Variants in ZNF420 observed in about 807,000 individuals in gnomAD.
ZNF420 encodes zinc finger protein 420.
ZNF420 carries 31 observed loss-of-function variants against 44.7 expected under a neutral mutation model. That is an observed-to-expected ratio of 0.69 (90% CI 0.52 to 0.94). The LOEUF (loss-of-function observed/expected upper bound fraction) is 0.94, where lower values mean the gene tolerates loss of function less well. ZNF420 is among the 40% of genes least tolerant of loss of function. The pLI is 0.00. For missense variants in ZNF420, 681 were observed against 827.9 expected, an observed-to-expected ratio of 0.82 and a Z score of 2.18; for synonymous variants, 245 against 267.4, an observed-to-expected ratio of 0.92 and a Z score of 0.82.
At chr19:37,085,383 G>A (rs532744952) in intron 2 of ZNF420, among the ~76,000 whole-genome samples, 2 of 152,166 alleles carry the variant, frequency 1.3e-5, no homozygotes, top group African/African-American at 4.8e-5. Flanking sequence ...CTTTCCATAC[G>A]CAGTTGTTAA....
intron 1 of ZNF420, among the ~76,000 whole-genome samples, chr19:37,069,741 A>G (rs1376548223): frequency 1.3e-5 from 2 of 152,168 alleles, no homozygotes; most frequent in African/African-American, 2.4e-5. Flanking sequence ...AAAAAATCAT[A>G]GAACCATTGT....
At chr19:37,052,626 A>T (rs1167390871) in intron 1 of ZNF420, among the ~76,000 whole-genome samples, 1 of 152,158 alleles carries the variant, frequency 6.6e-6, no homozygotes, top group Admixed American at 6.5e-5. Context: ...TATGAAGTTT[A>T]GTTTGGCTGG....
chr19:37,030,292 G>A (rs958003252), intron 1 of ZNF420, among the ~76,000 whole-genome samples: 1 of 152,120 alleles, frequency 6.6e-6, no homozygotes, highest in Admixed American at 6.5e-5. Context: ...CTCCCGAGTA[G>A]CTGTGATTAC....
At chr19:37,098,611 A>G (rs1969591700) in intron 4 of ZNF420, among the ~76,000 whole-genome samples, 1 of 152,198 alleles carries the variant, frequency 6.6e-6, no homozygotes, top group African/African-American at 2.4e-5. Context: ...GTGATGTTTT[A>G]TACATATGTG....
At chr19:37,080,461 A>G (rs1239071333) in intron 2 of ZNF420, 73 bp downstream of exon 2, 1 of 152,528 alleles carries the variant, frequency 6.6e-6, no homozygotes, top group Non-Finnish European at 1.5e-5. Context: ...TTTCTTTTTG[A>G]AATTTCTTGC....
chr19:37,021,806 G>A (rs1599598210), intron 1 of ZNF420, among the ~76,000 whole-genome samples: 2 of 151,336 alleles, frequency 1.3e-5, no homozygotes, highest in South Asian at 2.1e-4. Context: ...GCATGGTGGC[G>A]TACACCTGTA....
In ZNF420 at chr19:37,013,200, G is replaced by A. The variant is rs74499816; in HGVS notation, c.-125+5118G>A. 6.1e-3 allele frequency among the ~76,000 whole-genome samples: 934 copies of A among 152,184 alleles called. 4 individuals carry two copies. Among genetic ancestry groups the A allele is most frequent in the Non-Finnish European group, 0.01 (686 of 68,006 alleles). On this transcript the variant is annotated intron_variant, in intron 1 of 4. Coordinates refer to the ZNF420 transcript ENST00000587029. ...TTAGGAGCCGGGCCCATGTAGACCT[G>A]GCTAATGCACCTTACTCGCCTCTCA...
rs140917880 is a variant in ZNF420, at chr19:37,086,436, C to G, written c.-80-2603C>G. Among the ~76,000 whole-genome samples the G allele has an allele frequency of 2.1e-3, 313 of 152,280 alleles. 3 individuals are homozygous for G. Among genetic ancestry groups the G allele is most frequent in the African/African-American group, 7.1e-3 (296 of 41,538 alleles). The stretch of plus-strand genomic sequence containing the variant: ...CCTTGCAGCTCAGTTCTCTTCAGCC[C>G]AGCTTGGCTTTTGGTAAGTGGGTGT... On this transcript the variant is annotated intron_variant, in intron 2 of 4. Coordinates refer to ENST00000337995, the MANE Select transcript of ZNF420 (RefSeq NM_144689.5).
chr19:37,012,391 A>T (rs528179011), intron 1 of ZNF420, among the ~76,000 whole-genome samples: 59 of 152,350 alleles, frequency 3.9e-4, no homozygotes, highest in Admixed American at 1.5e-3. Flanking sequence ...CTAAGAAACC[A>T]GTCCCTGAGG....
intron 1 of ZNF420, among the ~76,000 whole-genome samples, chr19:37,053,846 C>G (rs1967689920): frequency 1.3e-5 from 2 of 152,184 alleles, no homozygotes; most frequent in Admixed American, 1.3e-4. Flanking sequence ...ATTCTCAGAT[C>G]TCCAGCTGCG....
At chr19:37,036,251 C>A (rs1430402408) in intron 1 of ZNF420, among the ~76,000 whole-genome samples, 1 of 152,156 alleles carries the variant, frequency 6.6e-6, no homozygotes, top group Admixed American at 6.5e-5. Context: ...GTTCCCAACA[C>A]AAACAATTGA....
chr19:37,030,864 A>C (rs187894291), intron 1 of ZNF420, among the ~76,000 whole-genome samples: 19 of 152,224 alleles, frequency 1.2e-4, no homozygotes, highest in Non-Finnish European at 2.6e-4. Context: ...CCTCTAAGTC[A>C]TATTGAGGAT....
chr19:37,011,611 T>C (rs2074569648), intron 1 of ZNF420, among the ~76,000 whole-genome samples: 1 of 152,042 alleles, frequency 6.6e-6, no homozygotes, highest in African/African-American at 2.4e-5. Context: ...TGTAGCAAAA[T>C]GTGGCTTGGA....
intron 1 of ZNF420, among the ~76,000 whole-genome samples, chr19:37,043,866 T>C (rs954741824): frequency 7.9e-5 from 12 of 152,090 alleles, no homozygotes; most frequent in Non-Finnish European, 1.6e-4. Context: ...GGAAGCTACT[T>C]ATGGAAAATG....
chr19:37,045,898 A>G lies in ZNF420; in HGVS notation c.-124-34447A>G, dbSNP rs1029090337. On this transcript the variant is annotated intron_variant, in intron 1 of 4. Coordinates refer to the ZNF420 transcript ENST00000587029. ...TTGTCTCTGGAGATTAAGATTTTCC[A>G]GCATTTGTACATAAAAGATGTTGAT... Among the ~76,000 whole-genome samples the G allele has an allele frequency of 2.0e-5, 3 of 152,348 alleles. No individual in the cohort carries two copies. In the East Asian group the frequency reaches 5.8e-4, roughly 29 times the overall value.
At chr19:37,018,497 T>C (rs2074623752) in intron 1 of ZNF420, among the ~76,000 whole-genome samples, 1 of 152,222 alleles carries the variant, frequency 6.6e-6, no homozygotes, top group Non-Finnish European at 1.5e-5. Context: ...AATGGGGATA[T>C]GACAGGGTTC....
At chr19:37,124,064 C>T (rs185376177) in intron 4 of ZNF420, among the ~76,000 whole-genome samples, 1 of 152,230 alleles carries the variant, frequency 6.6e-6, no homozygotes, top group African/African-American at 2.4e-5. Flanking sequence ...TCCCTAAATT[C>T]CCTCATGCTT....
chr19:37,128,386 T>C lies in ZNF420; in HGVS notation c.1395T>C (p.His465=), dbSNP rs1028959878. 4 of 1,613,910 alleles carry C rather than the reference T, an allele frequency of 2.5e-6. No homozygotes were observed. The Admixed American group carries it at 6.7e-5, about 27-fold the overall frequency. Residue 465 remains histidine, a synonymous_variant, in exon 5 of 5, where the codon CAT becomes CAC. Transcript: ENST00000337995. ...TFSRGSELTQ[H]ERIHTGEKPY... is the part of the protein sequence containing the mutation. ...GTCGTGGCTCAGAACTTACTCAACA[T>C]GAGCGAATTCACACAGGTGAGAAAC...
At chr19:37,085,006 T>C (rs775832960) in intron 2 of ZNF420, among the ~76,000 whole-genome samples, 7 of 152,196 alleles carry the variant, frequency 4.6e-5, no homozygotes, top group Non-Finnish European at 8.8e-5. Flanking sequence ...TTTTATTCTT[T>C]CTTTTCTTCT....
Sources: gnomAD v4.1 joint callset for allele counts (sites outside exome capture counted in the v4.1 genomes callset) on GRCh38, gnomAD v4.1.1 for gene constraint, MANE v1.5 for transcripts, NCBI Gene and HGNC (gene_info 2026-07-23, HGNC 2026-07-21) for gene names.